PHF24: variants seen among roughly 807,000 people sequenced by gnomAD.
PHF24 encodes the protein Galpha inhibitory interacting protein.
In PHF24, 25 loss-of-function variants were observed where a neutral mutation model predicts 42.6. The ratio of observed to expected loss-of-function variants is 0.59; its 90% CI spans 0.43 to 0.82. PHF24 has a LOEUF of 0.82. PHF24 is among the 40% of genes least tolerant of loss of function. The pLI is 0.00. For synonymous variants in PHF24, 185 were observed against 204.8 expected (o/e 0.90, Z 0.83); for missense variants, 470 against 538.1 (o/e 0.87, Z 1.25).
the PHF24 span, among the ~76,000 whole-genome samples, chr9:34,935,274 A>G: frequency 2.4e-4 from 37 of 152,272 alleles, no homozygotes; most frequent in African/African-American, 8.7e-4. Context: ...ATGAAAGTCT[A>G]ATTGATGTGG....
At chr9:34,905,388 C>T in the PHF24 span, among the ~76,000 whole-genome samples, 3 of 152,196 alleles carry the variant, frequency 2.0e-5, no homozygotes, top group Non-Finnish European at 2.9e-5. Context: ...TTCATTAAAA[C>T]CTATTTGTTG....
the PHF24 span, among the ~76,000 whole-genome samples, chr9:34,786,385 T>C: frequency 1.3e-5 from 2 of 152,164 alleles, no homozygotes. Context: ...TAAACTGCCT[T>C]CATTCCCCCA....
chr9:34,779,608 A>G, the PHF24 span, among the ~76,000 whole-genome samples: 1 of 152,232 alleles, frequency 6.6e-6, no homozygotes, highest in Non-Finnish European at 1.5e-5. Flanking sequence ...CACAATTTCA[A>G]TACTTACTAC....
At chr9:34,896,620 G>A in the PHF24 span, among the ~76,000 whole-genome samples, 29 of 152,282 alleles carry the variant, frequency 1.9e-4, no homozygotes, top group South Asian at 1.9e-3. Context: ...TGAATCCACC[G>A]TGGTTGGAAT....
At chr9:34,851,407 G>C in the PHF24 span, among the ~76,000 whole-genome samples, 511 of 152,290 alleles carry the variant, frequency 3.4e-3, 2 homozygotes, top group South Asian at 0.018. Flanking sequence ...CTCCGAGCCA[G>C]GTGCGGGATA....
chr9:34,795,273 T>C, the PHF24 span, among the ~76,000 whole-genome samples: 1 of 151,402 alleles, frequency 6.6e-6, no homozygotes, highest in Non-Finnish European at 1.5e-5. Context: ...AAAAAAACTA[T>C]GGACACCAGA....
the PHF24 span, among the ~76,000 whole-genome samples, chr9:34,704,388 A>C: frequency 6.6e-6 from 1 of 152,180 alleles, no homozygotes; most frequent in African/African-American, 2.4e-5. Context: ...AGAAGCCCTT[A>C]AAATATTGAC....
At chr9:34,823,337 T>C in the PHF24 span, among the ~76,000 whole-genome samples, 1 of 152,064 alleles carries the variant, frequency 6.6e-6, no homozygotes, top group African/African-American at 2.4e-5. Flanking sequence ...AGGAAGGGGC[T>C]GTGCTTCTTC....
chr9:34,950,821 GGTAAA>G, the PHF24 span, among the ~76,000 whole-genome samples: 159 of 152,082 alleles, frequency 1.0e-3, no homozygotes, highest in African/African-American at 3.6e-3. Context: ...AAATTGAAAA[GGTAAA>G]GTAGAGTTTA....
chr9:34,981,783 A>G (rs1827401746), exon 8 of PHF24: 1 of 151,646 alleles, frequency 6.6e-6, no homozygotes, highest in Non-Finnish European at 1.5e-5. Context: ...CTTATCTGAA[A>G]AAATGCTACT....
chr9:34,920,519 T>G, the PHF24 span, among the ~76,000 whole-genome samples: 1 of 152,174 alleles, frequency 6.6e-6, no homozygotes, highest in Non-Finnish European at 1.5e-5. Context: ...TTAAGATTAT[T>G]TTTTCTATTT....
chr9:34,799,608 A>C, the PHF24 span, among the ~76,000 whole-genome samples: 1 of 152,160 alleles, frequency 6.6e-6, no homozygotes, highest in East Asian at 1.9e-4. Context: ...GTTCAATCAG[A>C]GTTCTAATTT....
At chr9:34,725,762 G>A in the PHF24 span, 15 of 1,549,662 alleles carry the variant, frequency 9.7e-6, no homozygotes, top group South Asian at 8.3e-5. Flanking sequence ...TGGGGAAAGT[G>A]GGGAAGAGGG....
At chr9:34,709,820 G>A in the PHF24 span, 9 of 1,614,000 alleles carry the variant, frequency 5.6e-6, no homozygotes, top group Admixed American at 1.7e-5. Flanking sequence ...TCCTGCTTCC[G>A]GTAGCTGCGG....
At chr9:34,831,471 A>G in the PHF24 span, among the ~76,000 whole-genome samples, 25 of 152,034 alleles carry the variant, frequency 1.6e-4, no homozygotes, top group African/African-American at 5.6e-4. Context: ...AACCTCTTAT[A>G]TTTGTGGTTC....
At chr9:34,819,286 C>T in the PHF24 span, among the ~76,000 whole-genome samples, 3 of 151,896 alleles carry the variant, frequency 2.0e-5, no homozygotes, top group African/African-American at 7.2e-5. Flanking sequence ...GTATTGATTT[C>T]TGCTATCTTT....
the PHF24 span, among the ~76,000 whole-genome samples, chr9:34,848,866 G>C: frequency 1.3e-5 from 2 of 152,168 alleles, no homozygotes; most frequent in Non-Finnish European, 2.9e-5. Context: ...GTACCCAGTA[G>C]TCGTTCAGGA....
intron 1 of PHF24, among the ~76,000 whole-genome samples, chr9:34,964,827 G>A (rs1245890452): frequency 2.6e-5 from 4 of 151,892 alleles, no homozygotes; most frequent in African/African-American, 4.8e-5. Context: ...TTCTTGTCCC[G>A]CTGTTATATA....
intron 3 of PHF24, among the ~76,000 whole-genome samples, chr9:34,974,341 T>G (rs1350836111): frequency 6.6e-6 from 1 of 152,246 alleles, no homozygotes; most frequent in Non-Finnish European, 1.5e-5. Flanking sequence ...TCTTACTTGA[T>G]CTCTCTGAAG....
Sources: allele counts gnomAD v4.1 joint callset (sites outside exome capture counted in the v4.1 genomes callset), GRCh38; gene constraint gnomAD v4.1.1; transcripts MANE v1.5; gene names NCBI Gene and HGNC (gene_info 2026-07-23, HGNC 2026-07-21).